The following ANK1 variants were observed in gnomAD, a reference collection of about 807,000 sequenced individuals.
ANK1 encodes ankyrin 1, also known as ankyrin-1.
A neutral mutation model predicts 210.4 loss-of-function variants in ANK1; 51 were observed. The observed-to-expected ratio is 0.24, with a 90% CI of 0.19 to 0.31. The LOEUF (loss-of-function observed/expected upper bound fraction) is 0.31. Ranked by LOEUF, ANK1 falls within the 10% of genes least tolerant of loss-of-function variation. The pLI, the probability that ANK1 is intolerant of heterozygous loss-of-function variation, is 1.00. For missense variants in ANK1, 2,051 were observed against 2,504.4 expected (o/e 0.82, Z 3.86); for synonymous variants, 967 against 1,025.9 (o/e 0.94, Z 1.10).
At chr8:41,769,066 C>G (rs1442287796) in intron 1 of ANK1, among the ~76,000 whole-genome samples, 1 of 152,176 alleles carries the variant, frequency 6.6e-6, no homozygotes, top group Admixed American at 6.5e-5. Context: ...GGGGGCATCC[C>G]AAGGAAGTGG....
At chr8:41,852,447 C>T (rs557433871) in intron 1 of ANK1, among the ~76,000 whole-genome samples, 13 of 152,168 alleles carry the variant, frequency 8.5e-5, no homozygotes, top group Non-Finnish European at 1.8e-4. Context: ...GCACCTCCTA[C>T]GCTGCTCACT....
chr8:41,714,545 T>G (rs1368019969), intron 15 of ANK1, among the ~76,000 whole-genome samples: 1 of 151,938 alleles, frequency 6.6e-6, no homozygotes, highest in Non-Finnish European at 1.5e-5. Flanking sequence ...CAAAGGCCAT[T>G]CTCTCTCGAT....
chr8:41,709,193 T>C (rs1265018541), intron 16 of ANK1, among the ~76,000 whole-genome samples: 1 of 152,228 alleles, frequency 6.6e-6, no homozygotes, highest in Non-Finnish European at 1.5e-5. Context: ...ATGTCCATCT[T>C]TTTTCACCAT....
chr8:41,758,194 C>T (rs189723650), intron 1 of ANK1, 57 bp from the exon 2 acceptor site: 4 of 1,496,316 alleles, frequency 2.7e-6, no homozygotes, highest in Non-Finnish European at 9.3e-7. Flanking sequence ...ACTTCTCCAC[C>T]CCGTTCAAGT....
intron 1 of ANK1, among the ~76,000 whole-genome samples, chr8:41,890,612 G>C (rs1372944154): frequency 6.6e-6 from 1 of 151,806 alleles, no homozygotes. Flanking sequence ...TGGAGGCTGA[G>C]GCAGGAGAAT....
intron 9 of ANK1, among the ~76,000 whole-genome samples, chr8:41,722,191 A>G (rs1829446063): frequency 6.6e-6 from 1 of 152,234 alleles, no homozygotes; most frequent in Admixed American, 6.5e-5. Flanking sequence ...ACGGCAAATC[A>G]GCCAAGGATG....
At chr8:41,826,712 TTA>T (rs1345960020) in intron 1 of ANK1, among the ~76,000 whole-genome samples, 3 of 152,240 alleles carry the variant, frequency 2.0e-5, no homozygotes, top group Admixed American at 6.5e-5. Context: ...ATGCATTTGC[TTA>T]GTCTTTTTTC....
In ANK1 at chr8:41,679,570, T is replaced by C. The variant is rs1425648621; in HGVS notation, c.4537+4974A>G. On this transcript the variant is annotated intron_variant, in intron 37 of 42. Coordinates refer to ENST00000289734, the MANE Select transcript of ANK1 (RefSeq NM_000037.4). ...CTTCCTGGACTTTCTTTTTTTTTTT[T>C]TTTTTTTTTTGAGACAGAGTCTCAC... Among the ~76,000 whole-genome samples, 8 of 139,726 alleles carry C rather than the reference T, an allele frequency of 5.7e-5. No homozygotes were observed. The East Asian group carries it at 1.7e-3, about 29-fold the overall frequency. The allele number at this position is 139,726 out of a possible 152,430, so 91.7% of individuals were successfully genotyped here. A position where few individuals can be genotyped will look rare whatever the true frequency, so the allele number is the denominator to read the frequency against.
At chr8:41,717,169 T>C in intron 12 of ANK1, 118 bp from the exon 13 acceptor site, 2 of 1,037,314 alleles carry the variant, frequency 1.9e-6, no homozygotes, top group Non-Finnish European at 2.9e-6. Flanking sequence ...AGAGGTGGAG[T>C]TGCCCCAGCA....
chr8:41,693,417 C>CT lies in ANK1; in HGVS notation c.3533-217dup, dbSNP rs71239074. Among the ~76,000 whole-genome samples the CT allele has an allele frequency of 6.0e-4, 27 of 45,292 alleles. 1 individual carries two copies. Among genetic ancestry groups the CT allele is most frequent in the Non-Finnish European group, 8.0e-4 (21 of 26,154 alleles). The allele number at this position is 45,292 out of a possible 152,430, so 29.7% of individuals were successfully genotyped here. A position where few individuals can be genotyped will look rare whatever the true frequency, so the allele number is the denominator to read the frequency against. On this transcript the variant is annotated intron_variant, in intron 29 of 42. Transcript: ENST00000289734. ...GAGAGTTCTTCCCCAGGGGCATGGA[C>CT]TTTTTTTTTTTTTTTTTTTTTTTTT...
chr8:41,795,780 G>A (rs1848629138), intron 1 of ANK1, among the ~76,000 whole-genome samples: 1 of 152,108 alleles, frequency 6.6e-6, no homozygotes, highest in Non-Finnish European at 1.5e-5. Flanking sequence ...AGAATGAAGA[G>A]AGATTGGTTA....
chr8:41,695,400 G>A, intron 26 of ANK1, 69 bp from the exon 27 acceptor site: 2 of 1,588,078 alleles, frequency 1.3e-6, no homozygotes, highest in South Asian at 1.1e-5. Flanking sequence ...GGAGGGATGG[G>A]GCTGCCGGCT....
chr8:41,665,144 C>A (rs1810049107), intron 39 of ANK1: 1 of 1,539,094 alleles, frequency 6.5e-7, no homozygotes, highest in Non-Finnish European at 8.7e-7. Flanking sequence ...TTCCCCCTCC[C>A]TATCTCTCTG....
chr8:41,725,675 G>A, intron 6 of ANK1, 86 bp downstream of exon 6: 1 of 1,528,038 alleles, frequency 6.5e-7, no homozygotes, highest in Non-Finnish European at 8.8e-7. Context: ...CGGTTCTCCT[G>A]CCTGGGAAGT....
chr8:41,674,790 C>A (rs2150566097), intron 37 of ANK1, among the ~76,000 whole-genome samples: 1 of 152,320 alleles, frequency 6.6e-6, no homozygotes, highest in South Asian at 2.1e-4. Flanking sequence ...GGGAGAAGGG[C>A]TGCACAGCGG....
In ANK1 at chr8:41,718,217, C is replaced by A. The variant is rs776240118; in HGVS notation, c.1108-13G>T. On this transcript the variant is annotated splice_polypyrimidine_tract_variant and intron_variant, in intron 10 of 42. Coordinates refer to ENST00000289734, the MANE Select transcript of ANK1 (RefSeq NM_000037.4). Reference sequence around the variant, plus strand: ...GGGTAAAGCCATTCTGCAGCCCACACAAAGGGAGACAGACAAGCAGGAGCT... The same window carrying A: ...GGGTAAAGCCATTCTGCAGCCCACAAAAAGGGAGACAGACAAGCAGGAGCT... 2 of 1,612,062 alleles carry A rather than the reference C, an allele frequency of 1.2e-6. No individual in the cohort carries two copies. Among genetic ancestry groups the A allele is most frequent in the Admixed American group, 3.3e-5 (2 of 59,942 alleles).
At chr8:41,723,325 T>C in intron 8 of ANK1, 102 bp from the exon 9 acceptor site, 5 of 1,324,896 alleles carry the variant, frequency 3.8e-6, no homozygotes, top group Non-Finnish European at 5.4e-6. Context: ...ACGCAAGTGC[T>C]GACGTTTCCT....
intron 29 of ANK1, among the ~76,000 whole-genome samples, chr8:41,693,417 C>CTTTTTTTT (rs71239074): frequency 2.2e-5 from 1 of 45,234 alleles, no homozygotes; most frequent in Non-Finnish European, 3.8e-5. Context: ...GGGGCATGGA[C>CTTTTTTTT]TTTTTTTTTT....
Position 41,714,030 on chromosome 8 carries a change from C to A in ANK1, c.1800+126G>T, listed in dbSNP as rs1050942122. 5.0e-6 allele frequency: 3 copies of A among 601,026 alleles called. No homozygotes were observed. In the East Asian group the frequency reaches 1.0e-4, roughly 20 times the overall value. 37.2% of individuals were successfully genotyped at this position (601,026 alleles called of 1,614,324 possible). On this transcript the variant is annotated intron_variant, in intron 16 of 42. Coordinates refer to ENST00000289734, the MANE Select transcript of ANK1 (RefSeq NM_000037.4). ...CATGTGGGAAAGTGAGGCGTGATTT[C>A]TGAGGTAAAAATAGCAACAGAACGC...
Sources: allele counts gnomAD v4.1 joint callset (sites outside exome capture counted in the v4.1 genomes callset), GRCh38; gene constraint gnomAD v4.1.1; transcripts MANE v1.5; gene names NCBI Gene and HGNC (gene_info 2026-07-23, HGNC 2026-07-21).